Variants in LRP1B observed in about 807,000 individuals in gnomAD.
LRP1B encodes low-density lipoprotein receptor-related protein 1B.
LRP1B carries 217 observed loss-of-function variants against 556.6 expected under a neutral mutation model. That is an observed-to-expected ratio of 0.39 (90% CI 0.35 to 0.44). The LOEUF (loss-of-function observed/expected upper bound fraction) is 0.44. Among genes scored for constraint, LRP1B ranks in the 20% least tolerant of loss-of-function variants. The probability of loss-of-function intolerance (pLI) is 1.00; values close to 1 mark genes in which losing one functional copy is unlikely to be tolerated. For missense variants in LRP1B, 5,053 were observed against 5,620.8 expected (o/e 0.90, Z 3.23); for synonymous variants, 2,047 against 1,865.8 (o/e 1.10, Z -2.50).
At chr2:141,148,559 C>G (rs1701841285) in intron 7 of LRP1B, among the ~76,000 whole-genome samples, 1 of 152,120 alleles carries the variant, frequency 6.6e-6, no homozygotes. Context: ...TGAAAGGTAG[C>G]CTGAGGCAAT....
rs1468165851 is a variant in LRP1B at position 140,231,446 on chromosome 2, A to C, written c.*1740T>G. 1 of 151,802 alleles carries C rather than the reference A, an allele frequency of 6.6e-6. No homozygotes were observed. The highest frequency in any genetic ancestry group is 2.0e-4 in the East Asian group (1 of 5,116). The allele number at this position is 151,802 out of a possible 1,614,324, so 9.4% of individuals were successfully genotyped here. A position where few individuals can be genotyped will look rare whatever the true frequency, so the allele number is the denominator to read the frequency against. ...TCTTAAATATGTAGAATTTCATTTA[A>C]ATAAGTCAGTCAACAATTTTTTATA... On this transcript the variant is annotated 3_prime_UTR_variant, in exon 91 of 91. Transcript: ENST00000389484.
intron 29 of LRP1B, among the ~76,000 whole-genome samples, chr2:140,842,016 T>C (rs1692123381): frequency 6.6e-6 from 1 of 152,200 alleles, no homozygotes; most frequent in Non-Finnish European, 1.5e-5. Context: ...TTCTCAAACT[T>C]ACAAGACACC....
intron 35 of LRP1B, among the ~76,000 whole-genome samples, chr2:140,743,593 C>G (rs915789500): frequency 2.2e-4 from 34 of 152,086 alleles, no homozygotes; most frequent in African/African-American, 7.5e-4. Context: ...AATTAATAAA[C>G]TTAAAGCACT....
chr2:140,826,626 C>T (rs750742072), intron 31 of LRP1B, among the ~76,000 whole-genome samples: 3 of 152,150 alleles, frequency 2.0e-5, no homozygotes, highest in Non-Finnish European at 4.4e-5. Flanking sequence ...GCCCCTCCCC[C>T]AATCTGCCAG....
At chr2:141,822,954 A>C (rs530630728) in intron 1 of LRP1B, among the ~76,000 whole-genome samples, 1 of 152,174 alleles carries the variant, frequency 6.6e-6, no homozygotes. Context: ...ATAGATTAAC[A>C]CATTCCGTGA....
chr2:141,502,869 AAT>A (rs1553522303), intron 2 of LRP1B, among the ~76,000 whole-genome samples: 1 of 150,778 alleles, frequency 6.6e-6, no homozygotes. Flanking sequence ...AAAAATAAAA[AAT>A]AAATAAAAAT....
At chr2:141,862,265 T>C (rs1252963875) in intron 1 of LRP1B, among the ~76,000 whole-genome samples, 4 of 152,198 alleles carry the variant, frequency 2.6e-5, no homozygotes, top group Non-Finnish European at 4.4e-5. Context: ...CAGAAACTTA[T>C]CTGAAACCTC....
At chr2:140,888,262 C>T (rs1158225112) in intron 23 of LRP1B, among the ~76,000 whole-genome samples, 4 of 151,932 alleles carry the variant, frequency 2.6e-5, no homozygotes, top group Admixed American at 6.6e-5. Flanking sequence ...CTTTTCTGTG[C>T]ATTTGAGTTA....
At chr2:141,423,353 A>G (rs1680223243) in intron 3 of LRP1B, among the ~76,000 whole-genome samples, 1 of 140,782 alleles carries the variant, frequency 7.1e-6, no homozygotes, top group Non-Finnish European at 1.5e-5. Flanking sequence ...GCACAGATGG[A>G]GAGAGCAGTT....
At chr2:140,873,989 A>G (rs1693223398) in intron 25 of LRP1B, among the ~76,000 whole-genome samples, 1 of 151,932 alleles carries the variant, frequency 6.6e-6, no homozygotes, top group African/African-American at 2.4e-5. Flanking sequence ...TATGAGAAAG[A>G]GTCTTGTATA....
At chr2:140,685,675 G>A (rs886576221) in intron 41 of LRP1B, among the ~76,000 whole-genome samples, 2 of 152,154 alleles carry the variant, frequency 1.3e-5, no homozygotes, top group African/African-American at 4.8e-5. Context: ...CTCTGCAAAT[G>A]AAGCTTTCAG....
rs977743063 is a variant in LRP1B, at chr2:140,378,938, A to G, written c.10532-652T>C. Among the ~76,000 whole-genome samples the G allele has an allele frequency of 3.3e-5, 5 of 152,178 alleles. No individual in the cohort carries two copies. The East Asian group carries it at 9.6e-4, about 29-fold the overall frequency. On this transcript the variant is annotated intron_variant, in intron 67 of 90. Coordinates refer to ENST00000389484, the MANE Select transcript of LRP1B (RefSeq NM_018557.3). ...AATTTAGATAATTTAGCAGTTATTG[A>G]TTTAATTATGGTGTCCCATAGTCCA...
At chr2:141,914,134 G>A (rs1699974067) in intron 1 of LRP1B, among the ~76,000 whole-genome samples, 1 of 152,146 alleles carries the variant, frequency 6.6e-6, no homozygotes, top group South Asian at 2.1e-4. Context: ...CTAGGAATAT[G>A]AGGTAACAAA....
intron 3 of LRP1B, among the ~76,000 whole-genome samples, chr2:141,266,543 G>A (rs1684898683): frequency 2.0e-5 from 3 of 152,014 alleles, no homozygotes; most frequent in South Asian, 2.1e-4. Flanking sequence ...AAAAATCTGA[G>A]AGTGTACCAC....
chr2:141,756,456 T>C (rs1408854656), intron 2 of LRP1B, among the ~76,000 whole-genome samples: 1 of 152,052 alleles, frequency 6.6e-6, no homozygotes, highest in Non-Finnish European at 1.5e-5. Context: ...TAAGTTTCAA[T>C]TTATTTAACT....
Position 141,559,120 on chromosome 2 carries a change from C to A in LRP1B, c.206-78587G>T, listed in dbSNP as rs541593846. ...GATGCATCATAATTAAATATTAATACTTGAAGTTTGGCCATTTTTTTAAAG... is the reference window on the plus strand; with the variant it reads ...GATGCATCATAATTAAATATTAATAATTGAAGTTTGGCCATTTTTTTAAAG... On this transcript the variant is annotated intron_variant, in intron 2 of 90. Coordinates refer to ENST00000389484, the MANE Select transcript of LRP1B (RefSeq NM_018557.3). Among the ~76,000 whole-genome samples the A allele has an allele frequency of 1.8e-4, 27 of 151,538 alleles. No homozygotes were observed. The South Asian group carries it at 4.8e-3, about 27-fold the overall frequency.
At chr2:140,808,488 G>A (rs537077952) in intron 32 of LRP1B, among the ~76,000 whole-genome samples, 1 of 152,134 alleles carries the variant, frequency 6.6e-6, no homozygotes, top group Non-Finnish European at 1.5e-5. Context: ...CACTGTCTTG[G>A]CAAACTCTTG....
intron 17 of LRP1B, among the ~76,000 whole-genome samples, chr2:140,986,232 T>C (rs1289545663): frequency 6.6e-6 from 1 of 152,088 alleles, no homozygotes; most frequent in South Asian, 2.1e-4. Context: ...CTTTCATGAA[T>C]AGAACACGAT....
intron 27 of LRP1B, among the ~76,000 whole-genome samples, chr2:140,865,381 G>T (rs10179410): frequency 0.84 from 127,591 of 151,962 alleles, 53,962 homozygotes; most frequent in Non-Finnish European, 0.89. Context: ...TTTATTATTT[G>T]TTTCATGAAC....
Sources: gnomAD v4.1 joint callset for allele counts (sites outside exome capture counted in the v4.1 genomes callset) on GRCh38, gnomAD v4.1.1 for gene constraint, MANE v1.5 for transcripts, NCBI Gene and HGNC (gene_info 2026-07-23, HGNC 2026-07-21) for gene names.